Variants in CHL1 observed in about 807,000 individuals in gnomAD.
The protein encoded by CHL1 is neural cell adhesion molecule L1-like protein.
Under a neutral mutation model 141.9 loss-of-function variants are expected in CHL1, and 96 were observed. The observed-to-expected ratio is 0.68, with a 90% CI of 0.57 to 0.80. The LOEUF (loss-of-function observed/expected upper bound fraction) is 0.80, where lower values mean the gene tolerates loss of function less well. CHL1 is among the 30% of genes least tolerant of loss of function. The probability of loss-of-function intolerance (pLI) is 0.00; values close to 1 mark genes in which losing one functional copy is unlikely to be tolerated. For synonymous variants in CHL1, 613 were observed against 502.2 expected (o/e 1.22, Z -2.95); for missense variants, 1,820 against 1,457.2 (o/e 1.25, Z -4.05).
Position 375,795 on chromosome 3 carries a change from C to T in CHL1, c.1752-2023C>T, listed in dbSNP as rs565165709. On this transcript the variant is annotated intron_variant, in intron 15 of 27. Transcript: ENST00000256509. Reference sequence around the variant, plus strand: ...TTTTTCAGATAAGATGAATTAGGCTCAATGTTTTGTTCAAGGTTGTACAAA... The same window carrying T: ...TTTTTCAGATAAGATGAATTAGGCTTAATGTTTTGTTCAAGGTTGTACAAA... Among the ~76,000 whole-genome samples, 5 of 152,146 alleles carry T rather than the reference C, an allele frequency of 3.3e-5. No individual in the cohort carries two copies. The East Asian group carries it at 7.8e-4, about 24-fold the overall frequency.
chr3:319,406 A>G (rs1343613226), intron 2 of CHL1, among the ~76,000 whole-genome samples: 1 of 151,758 alleles, frequency 6.6e-6, no homozygotes, highest in Non-Finnish European at 1.5e-5. Context: ...AAAACCACTC[A>G]TGTGTATAAT....
chr3:234,185 G>T (rs1267751170), intron 1 of CHL1, among the ~76,000 whole-genome samples: 1 of 92,788 alleles, frequency 1.1e-5, no homozygotes, highest in Non-Finnish European at 2.8e-5. Context: ...AGGTATATGT[G>T]TGTGTGTGTA....
intron 2 of CHL1, among the ~76,000 whole-genome samples, chr3:269,205 A>G (rs1695424938): frequency 6.6e-6 from 1 of 152,234 alleles, no homozygotes; most frequent in Admixed American, 6.5e-5. Flanking sequence ...GCTCTTTGAA[A>G]TGTTCTAGCA....
At chr3:203,568 C>G (rs1699141719) in intron 1 of CHL1, among the ~76,000 whole-genome samples, 1 of 152,224 alleles carries the variant, frequency 6.6e-6, no homozygotes, top group Admixed American at 6.5e-5. Flanking sequence ...GGGAAGCCCA[C>G]AAGGGCTGCT....
rs1163516361 is a variant in CHL1, at chr3:340,700, G to C, written c.386-94G>C. ...CTGTAGCATAGAATTTATTTAAATT[G>C]CTGAATTTTGAAAAAAAAGAACATA... On this transcript the variant is annotated intron_variant, in intron 5 of 27. Transcript: ENST00000256509. 4.8e-6 allele frequency: 5 copies of C among 1,033,394 alleles called. No individual in the cohort carries two copies. In the African/African-American group the frequency reaches 8.2e-5, roughly 17 times the overall value. 64.0% of individuals were successfully genotyped at this position (1,033,394 alleles called of 1,614,324 possible). A position where few individuals can be genotyped will look rare whatever the true frequency, so the allele number is the denominator to read the frequency against.
intron 15 of CHL1, among the ~76,000 whole-genome samples, chr3:372,365 A>G (rs1319958589): frequency 6.6e-6 from 1 of 152,042 alleles, no homozygotes; most frequent in Admixed American, 6.5e-5. Flanking sequence ...GTGGTCTTCA[A>G]AATCTCATGT....
chr3:389,612 T>G (rs763091686), intron 20 of CHL1, 138 bp downstream of exon 20: 2 of 656,160 alleles, frequency 3.0e-6, no homozygotes, highest in Non-Finnish European at 5.3e-6. Context: ...AAAACAAATA[T>G]AACACATGAC....
chr3:233,303 C>A (rs1342072718), intron 1 of CHL1, among the ~76,000 whole-genome samples: 1 of 152,088 alleles, frequency 6.6e-6, no homozygotes, highest in Non-Finnish European at 1.5e-5. Context: ...TTTCATGTAT[C>A]TTCTTGACTG....
intron 19 of CHL1, 133 bp from the exon 20 acceptor site, chr3:389,119 A>G: frequency 1.4e-6 from 1 of 731,864 alleles, no homozygotes; most frequent in East Asian, 2.7e-5. Context: ...CTAAACCAAG[A>G]AGGGGGATTT....
At position 406,135 on chromosome 3, in the gene CHL1, A is replaced by T. The variant is rs754758105; in HGVS notation, c.*424A>T. 9.0e-5 allele frequency: 14 copies of T among 156,122 alleles called. No homozygotes were observed. Among genetic ancestry groups the T allele is most frequent in the Non-Finnish European group, 1.6e-4 (11 of 70,776 alleles). 9.7% of individuals were successfully genotyped at this position (156,122 alleles called of 1,614,324 possible). On this transcript the variant is annotated 3_prime_UTR_variant, in exon 28 of 28. Coordinates refer to ENST00000256509, the MANE Select transcript of CHL1 (RefSeq NM_006614.4). Reference sequence around the variant, plus strand: ...TGGTGACTTTGCTTCACTACAGGTTAAAAGACCATAAGCAAACTGGTTATT... The same window carrying T: ...TGGTGACTTTGCTTCACTACAGGTTTAAAGACCATAAGCAAACTGGTTATT...
At chr3:242,025 A>G (rs1042922068) in intron 1 of CHL1, among the ~76,000 whole-genome samples, 7 of 152,328 alleles carry the variant, frequency 4.6e-5, no homozygotes, top group Admixed American at 3.3e-4. Context: ...TATTGTGTAT[A>G]TACCCTTATC....
At chr3:321,980 C>T (rs1016754796) in intron 3 of CHL1, among the ~76,000 whole-genome samples, 6 of 152,044 alleles carry the variant, frequency 3.9e-5, no homozygotes, top group Admixed American at 2.0e-4. Flanking sequence ...CCTTTACAAC[C>T]TTAGCAAATT....
chr3:321,243 C>G (rs1324449278), intron 3 of CHL1, among the ~76,000 whole-genome samples: 2 of 152,062 alleles, frequency 1.3e-5, no homozygotes, highest in Non-Finnish European at 2.9e-5. Context: ...TTATTTTTAA[C>G]AGATAAGTAA....
At chr3:398,430 T>C (rs1230241614) in intron 25 of CHL1, 45 bp downstream of exon 25, 2 of 1,281,722 alleles carry the variant, frequency 1.6e-6, no homozygotes, top group South Asian at 1.3e-5. Flanking sequence ...TCAATCTATG[T>C]CCTGTAGAAT....
At chr3:337,260 T>G (rs1391662215) in intron 5 of CHL1, among the ~76,000 whole-genome samples, 28 of 147,806 alleles carry the variant, frequency 1.9e-4, no homozygotes, top group Admixed American at 1.2e-3. Flanking sequence ...GCACAATCTC[T>G]GCTCACTGCA....
chr3:225,319 T>C (rs1701215766), intron 1 of CHL1, among the ~76,000 whole-genome samples: 1 of 152,198 alleles, frequency 6.6e-6, no homozygotes, highest in African/African-American at 2.4e-5. Context: ...TCTACCTCAG[T>C]ATGTAGATGA....
chr3:323,227 G>A (rs765600309), intron 3 of CHL1, among the ~76,000 whole-genome samples: 5 of 152,068 alleles, frequency 3.3e-5, no homozygotes, highest in Non-Finnish European at 5.9e-5. Flanking sequence ...CCATATATAA[G>A]GTCATTGATT....
chr3:247,890 A>T (rs1398795052), intron 2 of CHL1: 1 of 152,046 alleles, frequency 6.6e-6, no homozygotes, highest in African/African-American at 2.4e-5. Flanking sequence ...CAATGATGCT[A>T]CCCCATATCC....
Position 349,474 on chromosome 3 carries a change from G to A in CHL1, c.964G>A (p.Gly322Arg). 6.2e-7 allele frequency: 1 copy of A among 1,614,054 alleles called. No individual in the cohort carries two copies. Among genetic ancestry groups the A allele is most frequent in the South Asian group, 1.1e-5 (1 of 91,088 alleles). ...KIENVSYQDKGNYRCTASNFL... is the reference protein window; with the variant it reads ...KIENVSYQDKRNYRCTASNFL... ...AGAGAATGTCTCCTACCAGGACAAA[G>A]GAAATTATCGCTGCACAGCCAGCAA... Residue 322 changes from glycine (G) to arginine (R), a missense_variant, in exon 10 of 28, where the codon GGA becomes AGA. Physicochemically the swap from Gly to Arg is moderately radical, Grantham distance 125 (BLOSUM62 -2). Transcript: ENST00000256509.
Sources: gnomAD v4.1 joint callset for allele counts (sites outside exome capture counted in the v4.1 genomes callset) on GRCh38, gnomAD v4.1.1 for gene constraint, MANE v1.5 for transcripts, NCBI Gene and HGNC (gene_info 2026-07-23, HGNC 2026-07-21) for gene names.